Variants in EHBP1 observed in about 807,000 individuals in gnomAD.
EHBP1 encodes the protein EH domain binding protein 1, also known as EH domain-binding protein 1.
EHBP1 carries 55 observed loss-of-function variants against 144.0 expected under a neutral mutation model. That is an observed-to-expected ratio of 0.38 (90% CI 0.31 to 0.48). EHBP1 has a LOEUF of 0.48. Among genes scored for constraint, EHBP1 ranks in the 20% least tolerant of loss-of-function variants. The pLI, the probability that EHBP1 is intolerant of heterozygous loss-of-function variation, is 0.98. For synonymous variants in EHBP1, 469 were observed against 472.7 expected, an observed-to-expected ratio of 0.99 and a Z score of 0.10; for missense variants, 1,200 against 1,364.2, an observed-to-expected ratio of 0.88 and a Z score of 1.90.
intron 2 of EHBP1, among the ~76,000 whole-genome samples, chr2:62,738,014 C>T (rs2038325615): frequency 6.6e-6 from 1 of 152,180 alleles, no homozygotes; most frequent in South Asian, 2.1e-4. Flanking sequence ...ATCTTCCTGC[C>T]TTGCCCTCTC....
At chr2:63,016,499 C>T (rs548111636) in intron 19 of EHBP1, among the ~76,000 whole-genome samples, 4 of 151,990 alleles carry the variant, frequency 2.6e-5, no homozygotes, top group African/African-American at 9.7e-5. Flanking sequence ...GGTGTCATCT[C>T]GGCTCCCAGC....
chr2:63,010,054 C>T (rs2060205923), intron 19 of EHBP1, among the ~76,000 whole-genome samples: 1 of 151,476 alleles, frequency 6.6e-6, no homozygotes, highest in African/African-American at 2.4e-5. Flanking sequence ...GGGGGGACTA[C>T]TGTATTCAAT....
chr2:62,777,123 C>T (rs2042102793), intron 5 of EHBP1, among the ~76,000 whole-genome samples: 2 of 152,104 alleles, frequency 1.3e-5, no homozygotes, highest in African/African-American at 2.4e-5. Context: ...TACAGGTGCA[C>T]ACCATTATAC....
In EHBP1 at chr2:62,866,663, A is replaced by G. The variant is rs559769086; in HGVS notation, c.998+1692A>G. ...TGCAAAAGGAAATACTAGTTAACCT[A>G]AAGACATAGCAATAGAATCCATCCA... On this transcript the variant is annotated intron_variant, in intron 9 of 22. Transcript: ENST00000431489. Among the ~76,000 whole-genome samples the G allele has an allele frequency of 2.0e-5, 3 of 152,300 alleles. No individual in the cohort carries two copies. The East Asian group carries it at 5.8e-4, about 29-fold the overall frequency.
intron 1 of EHBP1, among the ~76,000 whole-genome samples, chr2:62,697,166 A>G (rs1037659655): frequency 6.6e-6 from 1 of 152,226 alleles, no homozygotes; most frequent in African/African-American, 2.4e-5. Context: ...CAATTTTGGC[A>G]TGTGTTAGTT....
intron 19 of EHBP1, among the ~76,000 whole-genome samples, chr2:63,010,882 C>A (rs2060235682): frequency 6.6e-6 from 1 of 151,668 alleles, no homozygotes. Flanking sequence ...AAGTACACAA[C>A]CCCAATTTAG....
chr2:62,804,188 G>A (rs981914173), intron 5 of EHBP1, among the ~76,000 whole-genome samples: 1 of 152,296 alleles, frequency 6.6e-6, no homozygotes, highest in South Asian at 2.1e-4. Context: ...GGATGCCTTT[G>A]GGGGAGAGAC....
chr2:62,699,317 A>G (rs2034203664), intron 1 of EHBP1, among the ~76,000 whole-genome samples: 1 of 152,202 alleles, frequency 6.6e-6, no homozygotes, highest in African/African-American at 2.4e-5. Context: ...TTAACATTTC[A>G]TGGGAAATGA....
At chr2:63,029,651 A>C (rs2061146684) in intron 19 of EHBP1, among the ~76,000 whole-genome samples, 1 of 152,154 alleles carries the variant, frequency 6.6e-6, no homozygotes, top group Non-Finnish European at 1.5e-5. Context: ...ATAGAGATGA[A>C]GAAACTGAGG....
intron 12 of EHBP1, among the ~76,000 whole-genome samples, chr2:62,945,905 T>G (rs1391140095): frequency 1.3e-5 from 2 of 152,234 alleles, no homozygotes; most frequent in Non-Finnish European, 2.9e-5. Context: ...GAAATTACCC[T>G]TTGGATGGGC....
Position 62,793,142 on chromosome 2 carries a change from A to G in EHBP1, c.312+21750A>G, listed in dbSNP as rs1395033529. On this transcript the variant is annotated intron_variant, in intron 5 of 22. Coordinates refer to ENST00000431489, the MANE Select transcript of EHBP1 (RefSeq NM_001142616.3). Reference sequence around the variant, plus strand: ...TGCATTTAGGGTAGATTAAGTTCATAAATTCATTAATGTTATTACATTTCT... The same window carrying G: ...TGCATTTAGGGTAGATTAAGTTCATGAATTCATTAATGTTATTACATTTCT... Among the ~76,000 whole-genome samples the G allele has an allele frequency of 2.0e-5, 3 of 152,236 alleles. No individual in the cohort carries two copies. In the East Asian group the frequency reaches 5.8e-4, roughly 29 times the overall value.
At chr2:62,991,372 A>C (rs1216219147) in intron 16 of EHBP1, among the ~76,000 whole-genome samples, 2 of 152,156 alleles carry the variant, frequency 1.3e-5, no homozygotes, top group Non-Finnish European at 2.9e-5. Flanking sequence ...TGCTATTTCA[A>C]GTAAAAATAG....
intron 7 of EHBP1, among the ~76,000 whole-genome samples, chr2:62,834,953 T>G (rs1054070680): frequency 3.9e-5 from 6 of 152,220 alleles, no homozygotes; most frequent in African/African-American, 7.2e-5. Flanking sequence ...TGTATCTTTT[T>G]TTATAGTTTA....
chr2:62,821,375 T>C (rs1043362169), intron 5 of EHBP1, among the ~76,000 whole-genome samples: 12 of 152,192 alleles, frequency 7.9e-5, no homozygotes, highest in African/African-American at 2.4e-4. Context: ...GGACAAGAAA[T>C]GTCCTCTCCA....
At chr2:62,939,313 C>T (rs1475488415) in intron 10 of EHBP1, among the ~76,000 whole-genome samples, 1 of 152,080 alleles carries the variant, frequency 6.6e-6, no homozygotes, top group Non-Finnish European at 1.5e-5. Context: ...CTCGCTCTGT[C>T]GCCCAGGCTG....
intron 5 of EHBP1, 80 bp from the exon 6 acceptor site, chr2:62,826,003 GATTT>G (rs1306091314): frequency 6.1e-6 from 6 of 986,224 alleles, no homozygotes; most frequent in Non-Finnish European, 8.3e-6. Flanking sequence ...ATTATTATTT[GATTT>G]ATTATTAAAA....
chr2:62,952,587 A>T (rs985918682), intron 13 of EHBP1, among the ~76,000 whole-genome samples: 1 of 152,324 alleles, frequency 6.6e-6, no homozygotes, highest in Admixed American at 6.5e-5. Flanking sequence ...TGACAGTTAT[A>T]TATCTTACAC....
intron 3 of EHBP1, 114 bp downstream of exon 3, chr2:62,747,566 G>C (rs1374998302): frequency 2.1e-5 from 17 of 805,914 alleles, no homozygotes; most frequent in African/African-American, 5.4e-5. Flanking sequence ...TTTTTTTCTT[G>C]ATTGTCTACT....
chr2:62,865,963 A>G (rs1469604757), intron 9 of EHBP1, among the ~76,000 whole-genome samples: 2 of 152,216 alleles, frequency 1.3e-5, no homozygotes, highest in African/African-American at 4.8e-5. Context: ...AGATCTGTAG[A>G]AAGCCCCTCC....
Sources: allele counts gnomAD v4.1 joint callset (sites outside exome capture counted in the v4.1 genomes callset), GRCh38; gene constraint gnomAD v4.1.1; transcripts MANE v1.5; gene names NCBI Gene and HGNC (gene_info 2026-07-23, HGNC 2026-07-21).